The following MORN1 variants were observed in gnomAD, a reference collection of about 807,000 sequenced individuals.
MORN1 encodes MORN repeat containing 1, also known as MORN repeat-containing protein 1.
MORN1 carries 67 observed loss-of-function variants against 61.9 expected under a neutral mutation model. That is an observed-to-expected ratio of 1.08 (90% CI 0.89 to 1.33). The LOEUF (loss-of-function observed/expected upper bound fraction) is 1.33. Ranked by LOEUF, MORN1 falls within the 40% of genes most tolerant of loss-of-function variation. The pLI is 0.00. For synonymous variants in MORN1, 301 were observed against 292.0 expected, an observed-to-expected ratio of 1.03 and a Z score of -0.31; for missense variants, 752 against 691.2, an observed-to-expected ratio of 1.09 and a Z score of -0.99.
chr1:2,380,014 G>C (rs1570036329), intron 6 of MORN1, among the ~76,000 whole-genome samples: 1 of 152,242 alleles, frequency 6.6e-6, no homozygotes, highest in African/African-American at 2.4e-5. Flanking sequence ...AAGCGTGTCT[G>C]TCCACACGGG....
chr1:2,380,289 A>ATGTGGT lies in MORN1; in HGVS notation c.537+4683_537+4688dup, dbSNP rs1324750609. On this transcript the variant is annotated intron_variant, in intron 6 of 13. Coordinates refer to ENST00000378531, the MANE Select transcript of MORN1 (RefSeq NM_024848.3). ...GAAGCTGACAAAGTTCTGGAGGTGG[A>ATGTGGT]TGTGGTTGTGGCTACACGAAATGTG... Among the ~76,000 whole-genome samples, 15 of 152,238 alleles carry ATGTGGT rather than the reference A, an allele frequency of 9.9e-5. No individual in the cohort carries two copies. The South Asian group carries it at 3.1e-3, about 32-fold the overall frequency.
rs1270585624 is a variant in MORN1, at chr1:2,337,447, G to C, written c.1037-597C>G. On this transcript the variant is annotated intron_variant, in intron 10 of 13. Transcript: ENST00000378531. This position sits in a 1 kb window ranked among gnomAD's most constrained non-coding sequence, Gnocchi z 5.7. ...GGCTCAGCCTGTGCATCCCTCAGTGGGACCCCTGCAGGCCCTTGCCCAACC... is the reference window on the plus strand; with the variant it reads ...GGCTCAGCCTGTGCATCCCTCAGTGCGACCCCTGCAGGCCCTTGCCCAACC... Among the ~76,000 whole-genome samples, 1 of 152,124 alleles carries C rather than the reference G, an allele frequency of 6.6e-6. No individual in the cohort carries two copies. The highest frequency in any genetic ancestry group is 2.4e-5 in the African/African-American group (1 of 41,424).
At chr1:2,386,378 TTTTGGACAACTCAGAAA>T (rs1334145760) in intron 4 of MORN1, 3 of 157,532 alleles carry the variant, frequency 1.9e-5, no homozygotes, top group Admixed American at 1.9e-4. Context: ...CATTTTCAGA[TTTTGGACAACTCAGAAA>T]TTTGAGAGTA....
chr1:2,353,336 T>C (rs754198905), intron 10 of MORN1, among the ~76,000 whole-genome samples: 6 of 152,240 alleles, frequency 3.9e-5, no homozygotes, highest in Non-Finnish European at 7.3e-5. Context: ...CCGGCCCCCC[T>C]GTCCCTGCTG....
chr1:2,363,811 A>ACAAAAAAT (rs1553217340), intron 8 of MORN1, among the ~76,000 whole-genome samples: 2 of 135,100 alleles, frequency 1.5e-5, no homozygotes, highest in Non-Finnish European at 3.1e-5. Context: ...CAAACAAAAA[A>ACAAAAAAT]ATATATATAT....
At chr1:2,324,981 C>T (rs139194286) in intron 12 of MORN1, among the ~76,000 whole-genome samples, 210 of 130,558 alleles carry the variant, frequency 1.6e-3, no homozygotes, top group Non-Finnish European at 2.8e-3. Context: ...AAGCTGGGCC[C>T]GGCAGGTGCC....
chr1:2,321,899 C>G, intron 13 of MORN1: 1 of 563,270 alleles, frequency 1.8e-6, no homozygotes, highest in Non-Finnish European at 2.3e-6. Context: ...GCATGGTGGC[C>G]GCTCTCAAGC....
At chr1:2,351,189 G>T (rs1228570185) in intron 10 of MORN1, 1 of 152,506 alleles carries the variant, frequency 6.6e-6, no homozygotes, top group African/African-American at 2.4e-5. Flanking sequence ...GAGCACAGCT[G>T]CCCAGGGTGG....
chr1:2,387,225 T>A, intron 4 of MORN1, 194 bp downstream of exon 4: 1 of 600,968 alleles, frequency 1.7e-6, no homozygotes, highest in Non-Finnish European at 3.0e-6. Flanking sequence ...CAGGACCCGC[T>A]GGGCATACTG....
At chr1:2,390,642 T>C in intron 1 of MORN1, 1 of 985,386 alleles carries the variant, frequency 1.0e-6, no homozygotes, top group Non-Finnish European at 1.2e-6. Flanking sequence ...CAGGCTACTG[T>C]ATCTGTCCCA....
chr1:2,389,831 G>C, intron 2 of MORN1, 94 bp downstream of exon 2: 1 of 1,097,348 alleles, frequency 9.1e-7, no homozygotes, highest in Non-Finnish European at 1.4e-6. Flanking sequence ...AAAGCTACAG[G>C]AAATGCCACT....
At chr1:2,388,036 A>G in intron 3 of MORN1, 1 of 531,336 alleles carries the variant, frequency 1.9e-6, no homozygotes, top group South Asian at 2.8e-5. Context: ...TATTCTAGAA[A>G]AGTGTCTCCG....
rs1177727772 is a variant in MORN1, at chr1:2,384,899, C to T, written c.537+79G>A. On this transcript the variant is annotated intron_variant, in intron 6 of 13. Coordinates refer to ENST00000378531, the MANE Select transcript of MORN1 (RefSeq NM_024848.3). Reference sequence around the variant, plus strand: ...ACATGGAGAAGCTGCCAGGGTGAGGCTCCCCATACACCCCACGCGCCCTGC... The same window carrying T: ...ACATGGAGAAGCTGCCAGGGTGAGGTTCCCCATACACCCCACGCGCCCTGC... The T allele has an allele frequency of 3.2e-6, 4 of 1,254,560 alleles. No individual in the cohort carries two copies. In the East Asian group the frequency reaches 1.0e-4, roughly 33 times the overall value. 77.7% of individuals were successfully genotyped at this position (1,254,560 alleles called of 1,614,324 possible). A position where few individuals can be genotyped will look rare whatever the true frequency, so the allele number is the denominator to read the frequency against.
intron 10 of MORN1, among the ~76,000 whole-genome samples, chr1:2,346,904 C>A (rs1271473021): frequency 6.6e-6 from 1 of 152,174 alleles, no homozygotes; most frequent in Non-Finnish European, 1.5e-5. Flanking sequence ...TCCCTGCCCA[C>A]CCCCGGCCCA....
chr1:2,366,859 A>G lies in MORN1; in HGVS notation c.745+5622T>C, dbSNP rs563220134. Among the ~76,000 whole-genome samples the G allele has an allele frequency of 5.3e-5, 8 of 152,280 alleles. No individual in the cohort carries two copies. In the South Asian group the frequency reaches 1.2e-3, roughly 24 times the overall value. Reference sequence around the variant, plus strand: ...CAAGGCAAATCTATCATAGTCAGATATTTCAATATGCTACTCTCAATAACT... The same window carrying G: ...CAAGGCAAATCTATCATAGTCAGATGTTTCAATATGCTACTCTCAATAACT... On this transcript the variant is annotated intron_variant, in intron 8 of 13. Transcript: ENST00000378531.
chr1:2,329,749 T>C (rs1641107065), intron 12 of MORN1, among the ~76,000 whole-genome samples: 1 of 152,204 alleles, frequency 6.6e-6, no homozygotes, highest in Non-Finnish European at 1.5e-5. Context: ...GTGGGCCCCT[T>C]TGGGTCTGTC....
rs961226640 is a variant in MORN1, at chr1:2,372,728, C to T, written c.635-137G>A. On this transcript the variant is annotated intron_variant, in intron 7 of 13. Coordinates refer to ENST00000378531, the MANE Select transcript of MORN1 (RefSeq NM_024848.3). This position sits in a 1 kb window ranked among gnomAD's most constrained non-coding sequence, Gnocchi z 5.4. ...CTGGAACACAAGCACATGCGGGGGCCGACCCTCCGCAAACCACCTTGCAGA... is the reference window on the plus strand; with the variant it reads ...CTGGAACACAAGCACATGCGGGGGCTGACCCTCCGCAAACCACCTTGCAGA... The T allele has an allele frequency of 4.0e-5, 25 of 624,316 alleles. No individual in the cohort carries two copies. Among genetic ancestry groups the T allele is most frequent in the East Asian group, 3.1e-4 (11 of 35,104 alleles). 38.7% of individuals were successfully genotyped at this position (624,316 alleles called of 1,614,324 possible). A position where few individuals can be genotyped will look rare whatever the true frequency, so the allele number is the denominator to read the frequency against.
At chr1:2,385,288 G>A in intron 5 of MORN1, 3 of 579,762 alleles carry the variant, frequency 5.2e-6, no homozygotes, top group Middle Eastern at 4.6e-4. Context: ...TGGTAGGCCT[G>A]CTCGGGACGC....
intron 10 of MORN1, among the ~76,000 whole-genome samples, chr1:2,346,489 G>A (rs1031060782): frequency 6.6e-6 from 1 of 152,166 alleles, no homozygotes; most frequent in Non-Finnish European, 1.5e-5. Context: ...TGGTTCAAGC[G>A]ATTCTTCTGC....
Sources: gnomAD v4.1 joint callset for allele counts (sites outside exome capture counted in the v4.1 genomes callset) on GRCh38, gnomAD v4.1.1 for gene constraint, Gnocchi (gnomAD v3.1) non-coding constraint, MANE v1.5 for transcripts, NCBI Gene and HGNC (gene_info 2026-07-23, HGNC 2026-07-21) for gene names.